Variants in EXOC4 observed in about 807,000 individuals in gnomAD.
The protein encoded by EXOC4 is SEC8-like 1.
EXOC4 carries 71 observed loss-of-function variants against 107.2 expected under a neutral mutation model. The observed-to-expected ratio is 0.66, with a 90% CI of 0.55 to 0.81. The LOEUF is 0.81. EXOC4 is among the 30% of genes least tolerant of loss of function. The pLI, the probability that EXOC4 is intolerant of heterozygous loss-of-function variation, is 0.00. For synonymous variants in EXOC4, 456 were observed against 441.2 expected (o/e 1.03, Z -0.42); for missense variants, 1,108 against 1,189.6 (o/e 0.93, Z 1.01).
At chr7:134,045,341 G>A (rs946796489) in intron 17 of EXOC4, among the ~76,000 whole-genome samples, 4 of 152,136 alleles carry the variant, frequency 2.6e-5, no homozygotes, top group Admixed American at 2.0e-4. Flanking sequence ...AGATGCTGGG[G>A]GTCAGTTAAC....
At chr7:134,016,032 G>A (rs1794900997) in intron 17 of EXOC4, among the ~76,000 whole-genome samples, 1 of 151,972 alleles carries the variant, frequency 6.6e-6, no homozygotes, top group Non-Finnish European at 1.5e-5. Flanking sequence ...AAGTGAAGGA[G>A]TCAAGGATGA....
At chr7:133,547,531 A>G (rs557829984) in intron 9 of EXOC4, among the ~76,000 whole-genome samples, 10 of 152,238 alleles carry the variant, frequency 6.6e-5, no homozygotes, top group Admixed American at 6.5e-4. Flanking sequence ...GTTTGATAGC[A>G]TTTTACTCCC....
rs896308966 is a variant in EXOC4 at position 133,800,394 on chromosome 7, C to G, written c.1515-16931C>G. Among the ~76,000 whole-genome samples the G allele has an allele frequency of 1.4e-4, 21 of 151,790 alleles. 1 individual carries two copies. Among genetic ancestry groups the G allele is most frequent in the Non-Finnish European group, 2.9e-5 (2 of 67,948 alleles). On this transcript the variant is annotated intron_variant, in intron 10 of 17. Coordinates refer to ENST00000253861, the MANE Select transcript of EXOC4 (RefSeq NM_021807.4). ...GTCTTCTTCTAGAGAATTAGTTGAC[C>G]AAAAATAAAGGGAGTCGTTCTATTT...
At chr7:134,036,573 G>T (rs936935230) in intron 17 of EXOC4, among the ~76,000 whole-genome samples, 2 of 152,172 alleles carry the variant, frequency 1.3e-5, no homozygotes, top group East Asian at 1.9e-4. Flanking sequence ...GGGAGAGATA[G>T]CAGGACCCTG....
intron 17 of EXOC4, among the ~76,000 whole-genome samples, chr7:134,009,008 T>C (rs1794707787): frequency 6.6e-6 from 1 of 152,162 alleles, no homozygotes; most frequent in African/African-American, 2.4e-5. Flanking sequence ...TCTTCATTTG[T>C]CTTAACCCCA....
chr7:133,356,418 G>C lies in EXOC4; in HGVS notation c.852G>C (p.Lys284Asn). Residue 284 changes from lysine (K) to asparagine (N), a missense_variant, in exon 6 of 18, where the codon AAG becomes AAC. Coordinates refer to ENST00000253861, the MANE Select transcript of EXOC4 (RefSeq NM_021807.4). ...NSTLFMGILI[K>N]GLAKLKKIPE... Reference sequence around the variant, plus strand: ...CCCTGTTTATGGGTATCCTCATTAAGGGCTTGGCGAAACTGAAGAAGATCC... The same window carrying C: ...CCCTGTTTATGGGTATCCTCATTAACGGCTTGGCGAAACTGAAGAAGATCC... The C allele has an allele frequency of 1.9e-6, 3 of 1,614,126 alleles. No homozygotes were observed. The highest frequency in any genetic ancestry group is 2.5e-6 in the Non-Finnish European group (3 of 1,180,014).
chr7:133,974,046 A>C (rs1475696369), intron 14 of EXOC4, among the ~76,000 whole-genome samples: 1 of 152,218 alleles, frequency 6.6e-6, no homozygotes, highest in Admixed American at 6.5e-5. Flanking sequence ...TAGAACCCTC[A>C]GGCCTAGTCA....
intron 7 of EXOC4, among the ~76,000 whole-genome samples, chr7:133,376,578 A>T (rs1416253774): frequency 6.6e-6 from 1 of 152,232 alleles, no homozygotes; most frequent in African/African-American, 2.4e-5. Flanking sequence ...CTTCCTCGTG[A>T]ATACTTTCCA....
chr7:133,666,535 T>C (rs969077779), intron 10 of EXOC4, among the ~76,000 whole-genome samples: 2 of 152,134 alleles, frequency 1.3e-5, no homozygotes, highest in African/African-American at 4.8e-5. Flanking sequence ...TTAAGGGTTA[T>C]GCTAATGGGG....
intron 1 of EXOC4, among the ~76,000 whole-genome samples, chr7:133,258,228 C>T (rs985087752): frequency 6.6e-6 from 1 of 152,182 alleles, no homozygotes; most frequent in Non-Finnish European, 1.5e-5. Context: ...ACACAATTAC[C>T]GTACTCTGGC....
chr7:133,915,460 G>C (rs764969007), intron 12 of EXOC4, among the ~76,000 whole-genome samples: 3 of 152,214 alleles, frequency 2.0e-5, no homozygotes, highest in Non-Finnish European at 4.4e-5. Context: ...TATGTAATTA[G>C]ATCCCTTCCT....
At chr7:133,532,669 G>A (rs146201024) in intron 9 of EXOC4, among the ~76,000 whole-genome samples, 79 of 152,094 alleles carry the variant, frequency 5.2e-4, no homozygotes, top group Non-Finnish European at 8.8e-4. Flanking sequence ...AAGCTTGGAA[G>A]CCATGTTTGA....
intron 14 of EXOC4, among the ~76,000 whole-genome samples, chr7:133,993,892 A>T (rs1014843487): frequency 2.6e-5 from 4 of 152,246 alleles, no homozygotes; most frequent in Non-Finnish European, 5.9e-5. Flanking sequence ...GTCAGTGGAC[A>T]GACTATGACA....
At chr7:134,062,194 G>A (rs1254455083) in intron 17 of EXOC4, among the ~76,000 whole-genome samples, 1 of 152,152 alleles carries the variant, frequency 6.6e-6, no homozygotes, top group Non-Finnish European at 1.5e-5. Context: ...TCTACAAAGA[G>A]CACTTTCCAT....
At chr7:133,299,724 AG>A (rs528390064) in intron 3 of EXOC4, among the ~76,000 whole-genome samples, 9 of 152,274 alleles carry the variant, frequency 5.9e-5, no homozygotes, top group Admixed American at 3.9e-4. Flanking sequence ...TTTATCTTGC[AG>A]GCCCCCCTCC....
chr7:133,509,237 G>C (rs1343891554), intron 9 of EXOC4, among the ~76,000 whole-genome samples: 1 of 152,060 alleles, frequency 6.6e-6, no homozygotes, highest in Non-Finnish European at 1.5e-5. Context: ...GACCATCCTG[G>C]CTAACGTGGT....
At chr7:133,622,185 G>A (rs1190387245) in intron 9 of EXOC4, among the ~76,000 whole-genome samples, 1 of 151,990 alleles carries the variant, frequency 6.6e-6, no homozygotes, top group Non-Finnish European at 1.5e-5. Flanking sequence ...ACATTGCCCA[G>A]GCTGGTCTGT....
At chr7:133,498,515 G>A (rs1214766098) in intron 9 of EXOC4, among the ~76,000 whole-genome samples, 1 of 152,162 alleles carries the variant, frequency 6.6e-6, no homozygotes, top group African/African-American at 2.4e-5. Flanking sequence ...AATCTGGGAG[G>A]TGGAGCTTGC....
chr7:133,374,300 G>A (rs746474831), intron 6 of EXOC4, among the ~76,000 whole-genome samples: 1 of 152,076 alleles, frequency 6.6e-6, no homozygotes, highest in African/African-American at 2.4e-5. Flanking sequence ...CAGATTGCTT[G>A]GCAGGTGTAT....
Sources: gnomAD v4.1 joint callset for allele counts (sites outside exome capture counted in the v4.1 genomes callset) on GRCh38, gnomAD v4.1.1 for gene constraint, MANE v1.5 for transcripts, NCBI Gene and HGNC (gene_info 2026-07-23, HGNC 2026-07-21) for gene names.